Variants in PHF19 observed in about 807,000 individuals in gnomAD.
PHF19 encodes PHD finger protein 19.
In PHF19, 21 loss-of-function variants were observed where a neutral mutation model predicts 79.8. That is an observed-to-expected ratio of 0.26 (90% CI 0.19 to 0.38). The LOEUF is 0.38. Ranked by LOEUF, PHF19 falls within the 10% of genes least tolerant of loss-of-function variation. The pLI, the probability that PHF19 is intolerant of heterozygous loss-of-function variation, is 1.00. For synonymous variants in PHF19, 273 were observed against 296.3 expected (o/e 0.92, Z 0.81); for missense variants, 445 against 744.2 (o/e 0.60, Z 4.68).
At chr9:120,861,897 G>A (rs752115479) in intron 12 of PHF19, 21 bp downstream of exon 12, 22 of 1,536,458 alleles carry the variant, frequency 1.4e-5, no homozygotes, top group Non-Finnish European at 2.0e-5. Context: ...AAAATGGAGA[G>A]TAAGAAAACA....
At chr9:120,880,690 G>T (rs147526771), upstream of PHF19, among the ~76,000 whole-genome samples, 2 of 152,182 alleles carry the variant, frequency 1.3e-5, no homozygotes, top group Non-Finnish European at 2.9e-5. Context: ...AGCTGGGCCC[G>T]TGGCTCAAGT....
chr9:120,882,009 C>T (rs913140745), upstream of PHF19, among the ~76,000 whole-genome samples: 3 of 152,242 alleles, frequency 2.0e-5, no homozygotes, highest in Non-Finnish European at 4.4e-5. Context: ...ATCCACCAGC[C>T]TTGGCCTTCC....
Position 120,869,394 on chromosome 9 carries a change from G to A in PHF19, c.466-64C>T, listed in dbSNP as rs908334766. 2 of 1,550,664 alleles carry A rather than the reference G, an allele frequency of 1.3e-6. No homozygotes were observed. Among genetic ancestry groups the A allele is most frequent in the East Asian group, 2.3e-5 (1 of 43,974 alleles). On this transcript the variant is annotated intron_variant, in intron 5 of 14. Coordinates refer to ENST00000373896, the MANE Select transcript of PHF19 (RefSeq NM_015651.3). The surrounding 1 kb of genome is among the most constrained non-coding windows in gnomAD (Gnocchi z 5.8). ...GGGTGGACCACGCGAGTCAGCACGC[G>A]GCTGTCTATTGAGGGAAGTGCTGCC...
Position 120,862,067 on chromosome 9 carries a change from A to T in PHF19, c.1131-62T>A, listed in dbSNP as rs2045544782. 8.0e-7 allele frequency: 1 copy of T among 1,255,110 alleles called. No homozygotes were observed. Among genetic ancestry groups the T allele is most frequent in the East Asian group, 2.3e-5 (1 of 43,204 alleles). The allele number at this position is 1,255,110 out of a possible 1,614,324, so 77.7% of individuals were successfully genotyped here. On this transcript the variant is annotated intron_variant, in intron 11 of 14. Coordinates refer to ENST00000373896, the MANE Select transcript of PHF19 (RefSeq NM_015651.3). The surrounding 1 kb of genome is among the most constrained non-coding windows in gnomAD (Gnocchi z 4.6). ...GAGCCTGAGGGCCCTAGGGTGGCCC[A>T]GAGGGAGGCGCCGCAGGGGCGGGGG...
In PHF19 at chr9:120,858,135, C is replaced by T; in HGVS notation, c.1552G>A (p.Asp518Asn). ...CTGATGCTCTCAAATGTGTGGCTGTCAATGCCTTCGTCTGGCCGCTCGGGG... is the reference window on the plus strand; with the variant it reads ...CTGATGCTCTCAAATGTGTGGCTGTTAATGCCTTCGTCTGGCCGCTCGGGG... ...SVPERPDEGI[D>N]SHTFESISED... Residue 518 changes from aspartate (D) to asparagine (N), a missense_variant, in exon 15 of 15, where the codon GAC becomes AAC. Physicochemically the swap from Asp to Asn is conservative, Grantham distance 23. This residue lies in a region of PHF19 where 125 missense variants were observed against 180.5 expected (regional missense o/e 0.69). Transcript: ENST00000373896. The T allele has an allele frequency of 6.2e-7, 1 of 1,613,918 alleles. No homozygotes were observed. Among genetic ancestry groups the T allele is most frequent in the Non-Finnish European group, 8.5e-7 (1 of 1,179,814 alleles).
upstream of PHF19, among the ~76,000 whole-genome samples, chr9:120,896,617 A>G (rs1200773544): frequency 6.6e-6 from 1 of 151,378 alleles, no homozygotes; most frequent in Non-Finnish European, 1.5e-5. Flanking sequence ...ACGCCCGGCT[A>G]ATTTTTTTTG....
chr9:120,879,217 T>C (rs2046143244), upstream of PHF19, among the ~76,000 whole-genome samples: 1 of 152,230 alleles, frequency 6.6e-6, no homozygotes, highest in Admixed American at 6.5e-5. Context: ...ATTAATACTT[T>C]GTTAAGAAAT....
intron 1 of PHF19, among the ~76,000 whole-genome samples, chr9:120,893,164 C>T (rs1444107418): frequency 6.6e-6 from 1 of 152,236 alleles, no homozygotes; most frequent in Non-Finnish European, 1.5e-5. Flanking sequence ...GAAATACCCT[C>T]ATCTATGAAT....
chr9:120,877,980 A>G (rs2046115688), upstream of PHF19, among the ~76,000 whole-genome samples: 1 of 152,256 alleles, frequency 6.6e-6, no homozygotes, highest in Non-Finnish European at 1.5e-5. Flanking sequence ...GGCAAGAGAC[A>G]CAAGTTTTCC....
intron 1 of PHF19, among the ~76,000 whole-genome samples, chr9:120,888,300 C>T (rs2046296485): frequency 6.6e-6 from 1 of 152,244 alleles, no homozygotes; most frequent in African/African-American, 2.4e-5. Flanking sequence ...ACACTCATGA[C>T]CCTTAAAAGG....
chr9:120,883,452 T>C (rs2046217128), intron 1 of PHF19, among the ~76,000 whole-genome samples: 2 of 152,182 alleles, frequency 1.3e-5, no homozygotes, highest in African/African-American at 4.8e-5. Context: ...AGATGCAGCC[T>C]TTGATCTCAG....
intron 3 of PHF19, among the ~76,000 whole-genome samples, chr9:120,872,635 G>C (rs1364360926): frequency 1.3e-5 from 2 of 151,822 alleles, no homozygotes; most frequent in African/African-American, 4.8e-5. Flanking sequence ...TTCTTGGCAG[G>C]CTTCTTGGAA....
Position 120,874,592 on chromosome 9 carries a change from C to T in PHF19, c.150G>A (p.Trp50Ter). Reference sequence around the variant, plus strand: ...TCCCGAGGTAGTACAGGCCATCTGTCCACCGGCACAGCACATACTGGCCCT... The same window carrying T: ...TCCCGAGGTAGTACAGGCCATCTGTTCACCGGCACAGCACATACTGGCCCT... ...LTEGQYVLCR[W>*]TDGLYYLGKI... The change falls in exon 2 of 15, where the codon TGG becomes TGA. Residue 50 changes from tryptophan (W) to a stop codon, truncating the protein, a stop_gained. Transcript: ENST00000373896. LOFTEE classifies it high-confidence loss of function. This position sits in a 1 kb window ranked among gnomAD's most constrained non-coding sequence, Gnocchi z 4.5. The T allele has an allele frequency of 6.2e-7, 1 of 1,613,812 alleles. No individual in the cohort carries two copies. Among genetic ancestry groups the T allele is most frequent in the Non-Finnish European group, 8.5e-7 (1 of 1,179,688 alleles).
In PHF19 at chr9:120,866,683, T is replaced by C. The variant is rs573637878; in HGVS notation, c.710+187A>G. On this transcript the variant is annotated intron_variant, in intron 7 of 14. Transcript: ENST00000373896. The surrounding 1 kb of genome is among the most constrained non-coding windows in gnomAD (Gnocchi z 5.2). Reference sequence around the variant, plus strand: ...GGATGTGGCCCAGCATACTTCTTTATTGCCTCCTGGCCCTGCATAGCTAGG... The same window carrying C: ...GGATGTGGCCCAGCATACTTCTTTACTGCCTCCTGGCCCTGCATAGCTAGG... Among the ~76,000 whole-genome samples, 16 of 152,226 alleles carry C rather than the reference T, an allele frequency of 1.1e-4. No homozygotes were observed. Among genetic ancestry groups the C allele is most frequent in the Non-Finnish European group, 1.3e-4 (9 of 68,028 alleles).
At chr9:120,875,367 C>T (rs1450905677) in intron 1 of PHF19, among the ~76,000 whole-genome samples, 1 of 152,212 alleles carries the variant, frequency 6.6e-6, no homozygotes, top group African/African-American at 2.4e-5. Context: ...TGCTTTCACC[C>T]AGATACACAT....
the PHF19 span, among the ~76,000 whole-genome samples, chr9:120,899,988 G>A: frequency 6.6e-6 from 1 of 152,030 alleles, no homozygotes; most frequent in African/African-American, 2.4e-5. Context: ...TTGAGCAACT[G>A]ACTTTTCTTT....
rs2045810602 is a variant in PHF19 at position 120,869,131 on chromosome 9, A to C, written c.614+51T>G. ...TCCCTATGGGCGGTCCCTGCTGGCGATTCTTGGAGACCTGCCCTGCCGCCC... is the reference window on the plus strand; with the variant it reads ...TCCCTATGGGCGGTCCCTGCTGGCGCTTCTTGGAGACCTGCCCTGCCGCCC... On this transcript the variant is annotated intron_variant, in intron 6 of 14. Coordinates refer to ENST00000373896, the MANE Select transcript of PHF19 (RefSeq NM_015651.3). The surrounding 1 kb of genome is among the most constrained non-coding windows in gnomAD (Gnocchi z 5.8). 3 of 1,553,506 alleles carry C rather than the reference A, an allele frequency of 1.9e-6. No homozygotes were observed. The highest frequency in any genetic ancestry group is 2.3e-4 in the Middle Eastern group (1 of 4,368).
At chr9:120,887,653 GAC>G (rs1010259077) in intron 1 of PHF19, among the ~76,000 whole-genome samples, 10 of 31,680 alleles carry the variant, frequency 3.2e-4, no homozygotes, top group South Asian at 2.2e-3. Context: ...CACACACACA[GAC>G]ACACACACAC....
Position 120,861,952 on chromosome 9 carries a change from C to T in PHF19, c.1184G>A (p.Arg395Lys). The T allele has an allele frequency of 6.2e-7, 1 of 1,613,692 alleles. No homozygotes were observed. The change falls in exon 12 of 15, where the codon AGA becomes AAA. Residue 395 changes from arginine to lysine, a missense_variant. This residue lies in a region of PHF19 where 83 missense variants were observed against 85.5 expected (regional missense o/e 0.97). Transcript: ENST00000373896. ...AGCATCTTCCAGCAAAAACTTTGATCTTTTTCTTCTATAAACTCGCCTTTT... is the reference window on the plus strand; with the variant it reads ...AGCATCTTCCAGCAAAAACTTTGATTTTTTTCTTCTATAAACTCGCCTTTT... ...QQKRRVYRRKRSKFLLEDAIP... is the reference protein window; with the variant it reads ...QQKRRVYRRKKSKFLLEDAIP...
Sources: gnomAD v4.1 joint callset for allele counts (sites outside exome capture counted in the v4.1 genomes callset) on GRCh38, gnomAD v4.1.1 for gene constraint, gnomAD v4.1.1 regional missense constraint, Gnocchi (gnomAD v3.1) non-coding constraint, MANE v1.5 for transcripts, NCBI Gene and HGNC (gene_info 2026-07-23, HGNC 2026-07-21) for gene names.